Variants in MAPK10 observed in about 807,000 individuals in gnomAD.
MAPK10 encodes JNK3 alpha protein kinase.
Under a neutral mutation model 59.3 loss-of-function variants are expected in MAPK10, and 25 were observed. The ratio of observed to expected loss-of-function variants is 0.42; its 90% confidence interval spans 0.31 to 0.59. The LOEUF is 0.59. MAPK10 is among the 20% of genes least tolerant of loss of function. The pLI is 0.15. For missense variants in MAPK10, 351 were observed against 568.9 expected, an observed-to-expected ratio of 0.62 and a Z score of 3.90; for synonymous variants, 190 against 200.5, an observed-to-expected ratio of 0.95 and a Z score of 0.44.
At chr4:86,527,901 C>T (rs1435242815) in intron 1 of MAPK10, among the ~76,000 whole-genome samples, 1 of 152,154 alleles carries the variant, frequency 6.6e-6, no homozygotes, top group Non-Finnish European at 1.5e-5. Flanking sequence ...AACACAGGAA[C>T]AGAAAATCAA....
chr4:86,360,362 G>A (rs759954075), upstream of MAPK10: 5 of 180,288 alleles, frequency 2.8e-5, no homozygotes, highest in Non-Finnish European at 4.3e-5. Flanking sequence ...GCAGCACGGA[G>A]GAGCAAATAC....
At chr4:86,324,654 C>A (rs1161042975) in intron 2 of MAPK10, among the ~76,000 whole-genome samples, 2 of 152,136 alleles carry the variant, frequency 1.3e-5, no homozygotes, top group Admixed American at 6.5e-5. Context: ...AAAAGAATAT[C>A]TTCTATCTCT....
In MAPK10 at chr4:86,482,575, A is replaced by C. The variant is rs545492926; in HGVS notation, c.-263+111335T>G. Among the ~76,000 whole-genome samples the C allele has an allele frequency of 1.4e-4, 21 of 152,304 alleles. No individual in the cohort carries two copies. The South Asian group carries it at 3.9e-3, about 29-fold the overall frequency. On this transcript the variant is annotated intron_variant, in intron 1 of 4. Coordinates refer to the MAPK10 transcript ENST00000502302. ...CGTTGTGAAAAATATGCCTTGTTCC[A>C]ACAATGAGAAATTGTTGATTGACTT...
intron 6 of MAPK10, among the ~76,000 whole-genome samples, chr4:86,102,624 A>G (rs1580285215): frequency 6.6e-6 from 1 of 152,148 alleles, no homozygotes; most frequent in African/African-American, 2.4e-5. Context: ...GGGTTCAAGC[A>G]ATTCTCCTGC....
chr4:86,016,820 G>GGT lies in MAPK10; in HGVS notation c.*406_*407dup. 1 of 189,480 alleles carries GGT rather than the reference G, an allele frequency of 5.3e-6. No individual in the cohort carries two copies. The highest frequency in any genetic ancestry group is 5.4e-5 in the Admixed American group (1 of 18,500). 11.7% of individuals were successfully genotyped at this position (189,480 alleles called of 1,614,324 possible). A position where few individuals can be genotyped will look rare whatever the true frequency, so the allele number is the denominator to read the frequency against. On this transcript the variant is annotated 3_prime_UTR_variant, in exon 14 of 14. Transcript: ENST00000641462. Reference sequence around the variant, plus strand: ...ATCCATCTGACTAGGCCAAGGAGCAGGTAGATGCAAGATAGAGACACACAC... The same window carrying GGT: ...ATCCATCTGACTAGGCCAAGGAGCAGGTGTAGATGCAAGATAGAGACACACAC...
intron 1 of MAPK10, among the ~76,000 whole-genome samples, chr4:86,575,219 A>G (rs999023432): frequency 6.6e-6 from 1 of 152,234 alleles, no homozygotes; most frequent in Non-Finnish European, 1.5e-5. Flanking sequence ...CTTCGGACTC[A>G]GACTGAAATT....
intron 4 of MAPK10, among the ~76,000 whole-genome samples, chr4:86,116,563 C>T (rs1352817914): frequency 6.6e-6 from 1 of 152,158 alleles, no homozygotes; most frequent in Non-Finnish European, 1.5e-5. Context: ...TGGGCCATCC[C>T]CCTATCTCAT....
At chr4:86,271,338 G>A (rs2094428014) in intron 2 of MAPK10, among the ~76,000 whole-genome samples, 1 of 151,912 alleles carries the variant, frequency 6.6e-6, no homozygotes, top group South Asian at 2.1e-4. Flanking sequence ...ATCTCTTTAA[G>A]TCCTTTGCCC....
At chr4:86,135,043 G>A (rs2149153692) in intron 4 of MAPK10, among the ~76,000 whole-genome samples, 1 of 152,308 alleles carries the variant, frequency 6.6e-6, no homozygotes, top group East Asian at 1.9e-4. Context: ...CTATGCCCAA[G>A]GAGTCTTGCT....
chr4:86,046,257 C>A (rs1179506069), intron 11 of MAPK10, among the ~76,000 whole-genome samples: 1 of 151,544 alleles, frequency 6.6e-6, no homozygotes, highest in Non-Finnish European at 1.5e-5. Flanking sequence ...CAAACAGGGA[C>A]AATTTGACTT....
At chr4:86,155,582 T>C (rs2067530953) in intron 4 of MAPK10, among the ~76,000 whole-genome samples, 1 of 152,028 alleles carries the variant, frequency 6.6e-6, no homozygotes, top group Non-Finnish European at 1.5e-5. Flanking sequence ...ACTATGTTTT[T>C]TCCTACACAT....
At chr4:86,147,293 G>T (rs1035631675) in intron 4 of MAPK10, among the ~76,000 whole-genome samples, 2 of 151,994 alleles carry the variant, frequency 1.3e-5, no homozygotes, top group African/African-American at 4.8e-5. Context: ...TTGCCATGTT[G>T]CTCAGGCTGG....
chr4:86,305,550 GGT>G (rs1284264771), intron 2 of MAPK10, among the ~76,000 whole-genome samples: 8 of 152,150 alleles, frequency 5.3e-5, no homozygotes, highest in African/African-American at 1.9e-4. Context: ...CGGGCACCGT[GGT>G]TTATGCCTGT....
chr4:86,299,836 T>C (rs1031222528), intron 2 of MAPK10, among the ~76,000 whole-genome samples: 6 of 152,292 alleles, frequency 3.9e-5, no homozygotes, highest in Non-Finnish European at 7.4e-5. Flanking sequence ...TAGAATATTA[T>C]ATGGTAAACC....
At chr4:86,337,082 C>T (rs1278799084) in intron 2 of MAPK10, among the ~76,000 whole-genome samples, 6 of 152,298 alleles carry the variant, frequency 3.9e-5, no homozygotes, top group African/African-American at 1.4e-4. Flanking sequence ...AGCCACCACG[C>T]CTGGCCAGGA....
intron 2 of MAPK10, among the ~76,000 whole-genome samples, chr4:86,291,134 C>T (rs1023058058): frequency 2.0e-5 from 3 of 152,202 alleles, no homozygotes; most frequent in South Asian, 2.1e-4. Context: ...GGTCAGACTT[C>T]ACCTGTGCAT....
intron 1 of MAPK10, among the ~76,000 whole-genome samples, chr4:86,461,846 G>A (rs1049004757): frequency 2.0e-5 from 3 of 152,162 alleles, no homozygotes. Context: ...CACCTTGAGT[G>A]ACCACTCTCA....
chr4:86,174,967 T>C (rs1482742025), intron 3 of MAPK10, among the ~76,000 whole-genome samples: 2 of 152,108 alleles, frequency 1.3e-5, no homozygotes, highest in Admixed American at 1.3e-4. Flanking sequence ...ATTATCACAA[T>C]GATCTAGACT....
intron 11 of MAPK10, among the ~76,000 whole-genome samples, chr4:86,036,093 A>T (rs2040232623): frequency 6.6e-6 from 1 of 152,224 alleles, no homozygotes; most frequent in East Asian, 1.9e-4. Context: ...GAAGTCAAGC[A>T]AGTAGAATTT....
Sources: allele counts gnomAD v4.1 joint callset (sites outside exome capture counted in the v4.1 genomes callset), GRCh38; gene constraint gnomAD v4.1.1; transcripts MANE v1.5; gene names NCBI Gene and HGNC (gene_info 2026-07-23, HGNC 2026-07-21).